SEC14L1: variants seen among roughly 807,000 people sequenced by gnomAD.
SEC14L1 encodes the protein SEC14-like protein 1.
A neutral mutation model predicts 85.3 loss-of-function variants in SEC14L1; 48 were observed. That is an observed-to-expected ratio of 0.56 (90% CI 0.45 to 0.72). The LOEUF is 0.72. Among genes scored for constraint, SEC14L1 ranks in the 30% least tolerant of loss-of-function variants. The pLI is 0.00. For missense variants in SEC14L1, 682 were observed against 921.4 expected, an observed-to-expected ratio of 0.74 and a Z score of 3.36; for synonymous variants, 391 against 355.5, an observed-to-expected ratio of 1.10 and a Z score of -1.12.
intron 7 of SEC14L1, 128 bp downstream of exon 7, chr17:77,195,039 C>G: frequency 1.5e-6 from 1 of 664,936 alleles, no homozygotes; most frequent in East Asian, 2.7e-5. Context: ...AAAGACCCGT[C>G]TCTCGTTTCT....
intron 9 of SEC14L1, 103 bp downstream of exon 9, chr17:77,200,776 G>A (rs962997110): frequency 4.4e-5 from 48 of 1,095,278 alleles, no homozygotes; most frequent in Non-Finnish European, 4.4e-5. Context: ...GCCCCCTTGA[G>A]TGCATCGTTT....
chr17:77,214,236 T>A lies in SEC14L1; in HGVS notation c.*213T>A. On this transcript the variant is annotated 3_prime_UTR_variant, in exon 17 of 17. Coordinates refer to ENST00000436233, the MANE Select transcript of SEC14L1 (RefSeq NM_001143998.2). The stretch of plus-strand genomic sequence containing the variant: ...CTAACTTAACTCAATAGCCATAGAT[T>A]TTGTATACGTTGTGCACAAAATCCA... 7.3e-7 allele frequency: 1 copy of A among 1,371,868 alleles called. No individual in the cohort carries two copies. The highest frequency in any genetic ancestry group is 9.4e-7 in the Non-Finnish European group (1 of 1,065,264). 85.0% of individuals were successfully genotyped at this position (1,371,868 alleles called of 1,614,324 possible).
At position 77,171,457 on chromosome 17, in the gene SEC14L1, T is replaced by G. The variant is rs537635432; in HGVS notation, c.64-19346T>G. On this transcript the variant is annotated intron_variant, in intron 3 of 16. Coordinates refer to ENST00000436233, the MANE Select transcript of SEC14L1 (RefSeq NM_001143998.2). The stretch of plus-strand genomic sequence containing the variant: ...AGAGGCAGCTTGCTTGGCTATTTGG[T>G]CAGCAAGATTATTCCCTCAGCTTCT... Among the ~76,000 whole-genome samples, 7 of 152,324 alleles carry G rather than the reference T, an allele frequency of 4.6e-5. 1 individual carries two copies. In the South Asian group the frequency reaches 1.2e-3, roughly 27 times the overall value.
At chr17:77,141,939 A>T (rs1309316518) in intron 1 of SEC14L1, among the ~76,000 whole-genome samples, 1 of 152,240 alleles carries the variant, frequency 6.6e-6, no homozygotes, top group African/African-American at 2.4e-5. Flanking sequence ...TTTGCAAAAG[A>T]AAAAGAACGT....
intron 9 of SEC14L1, among the ~76,000 whole-genome samples, chr17:77,202,568 G>A (rs551500991): frequency 3.5e-4 from 54 of 152,166 alleles, no homozygotes; most frequent in African/African-American, 1.2e-3. Flanking sequence ...GCAGTGAGCC[G>A]AGATCGTGCC....
intron 3 of SEC14L1, among the ~76,000 whole-genome samples, chr17:77,154,258 G>A (rs1041831262): frequency 6.6e-6 from 1 of 152,040 alleles, no homozygotes; most frequent in Non-Finnish European, 1.5e-5. Context: ...ATCACTTGAG[G>A]CCAGTAGTTT....
upstream of SEC14L1, among the ~76,000 whole-genome samples, chr17:77,136,117 T>G (rs1444196963): frequency 6.6e-6 from 1 of 152,030 alleles, no homozygotes. Flanking sequence ...CCTTGTGACC[T>G]GCCCGCCTCG....
At position 77,214,190 on chromosome 17, in the gene SEC14L1, C is replaced by T; in HGVS notation, c.*167C>T. On this transcript the variant is annotated 3_prime_UTR_variant, in exon 17 of 17. Transcript: ENST00000436233. ...TCGTTTGATCCCAAAACTACCTTGG[C>T]AGGTAGTTTTAACTCTGATCCTAAC... 1 of 1,413,942 alleles carries T rather than the reference C, an allele frequency of 7.1e-7. No individual in the cohort carries two copies. The highest frequency in any genetic ancestry group is 1.5e-5 in the South Asian group (1 of 64,624). 87.6% of individuals were successfully genotyped at this position (1,413,942 alleles called of 1,614,324 possible).
At chr17:77,184,095 C>T (rs1198079109) in intron 3 of SEC14L1, among the ~76,000 whole-genome samples, 1 of 152,082 alleles carries the variant, frequency 6.6e-6, no homozygotes, top group Non-Finnish European at 1.5e-5. Flanking sequence ...CTTATTTCCC[C>T]ATGATTAGCT....
chr17:77,173,099 A>G (rs897106850), intron 3 of SEC14L1, among the ~76,000 whole-genome samples: 3 of 152,162 alleles, frequency 2.0e-5, no homozygotes, highest in East Asian at 3.8e-4. Context: ...GTCAGCCACT[A>G]TATAAGGGTC....
At chr17:77,185,121 C>T (rs1975209647) in intron 3 of SEC14L1, 2 of 669,884 alleles carry the variant, frequency 3.0e-6, no homozygotes, top group Non-Finnish European at 3.7e-6. Context: ...GTATTGTATG[C>T]TTCAAAACAT....
At chr17:77,211,678 A>G in intron 14 of SEC14L1, 1 of 490,830 alleles carries the variant, frequency 2.0e-6, no homozygotes, top group Non-Finnish European at 3.7e-6. Flanking sequence ...GGCCTCTTAG[A>G]GTGTGTGTGA....
intron 3 of SEC14L1, among the ~76,000 whole-genome samples, chr17:77,170,184 G>A (rs1229282871): frequency 1.3e-5 from 2 of 152,160 alleles, no homozygotes; most frequent in Admixed American, 1.3e-4. Flanking sequence ...AAGATGTGTG[G>A]TAGCTGGGGA....
chr17:77,195,107 T>G (rs1287045361), intron 7 of SEC14L1, 196 bp downstream of exon 7: 1 of 576,506 alleles, frequency 1.7e-6, no homozygotes. Flanking sequence ...AGATTTTTTG[T>G]TAATAGGAAG....
At chr17:77,171,754 T>G (rs1307598956) in intron 3 of SEC14L1, among the ~76,000 whole-genome samples, 1 of 152,250 alleles carries the variant, frequency 6.6e-6, no homozygotes, top group Admixed American at 6.5e-5. Flanking sequence ...AGACCCGTTA[T>G]TAGGTAATCT....
intron 3 of SEC14L1, among the ~76,000 whole-genome samples, chr17:77,167,848 G>A (rs1199641537): frequency 6.6e-6 from 1 of 152,216 alleles, no homozygotes; most frequent in African/African-American, 2.4e-5. Context: ...AGTAAGCGGT[G>A]CTGAAGAGAA....
At chr17:77,163,895 C>G (rs1201080914) in intron 3 of SEC14L1, among the ~76,000 whole-genome samples, 2 of 152,216 alleles carry the variant, frequency 1.3e-5, no homozygotes, top group African/African-American at 4.8e-5. Context: ...TTGACCTTGA[C>G]AAGCCCAGGG....
intron 9 of SEC14L1, among the ~76,000 whole-genome samples, chr17:77,203,250 A>G (rs908388361): frequency 1.3e-5 from 2 of 152,106 alleles, no homozygotes; most frequent in African/African-American, 4.8e-5. Context: ...AGTTGTTCAG[A>G]CTGAGCCCAG....
chr17:77,192,699 G>A (rs1261624105), intron 5 of SEC14L1, among the ~76,000 whole-genome samples: 1 of 150,776 alleles, frequency 6.6e-6, no homozygotes, highest in African/African-American at 2.4e-5. Context: ...ATCTTGCCCT[G>A]TCGCTCAGGC....
Sources: allele counts gnomAD v4.1 joint callset (sites outside exome capture counted in the v4.1 genomes callset), GRCh38; gene constraint gnomAD v4.1.1; transcripts MANE v1.5; gene names NCBI Gene and HGNC (gene_info 2026-07-23, HGNC 2026-07-21).